The following TRPC6 variants were observed in gnomAD, a reference collection of about 807,000 sequenced individuals.
The protein encoded by TRPC6 is transient receptor potential cation channel subfamily C member 6.
A neutral mutation model predicts 90.7 loss-of-function variants in TRPC6; 55 were observed. The observed-to-expected ratio is 0.61, with a 90% confidence interval of 0.49 to 0.76. TRPC6 has a LOEUF of 0.76. Among genes scored for constraint, TRPC6 ranks in the 30% least tolerant of loss-of-function variants. TRPC6 has a pLI of 0.00. For missense variants in TRPC6, 989 were observed against 1,122.7 expected (o/e 0.88, Z 1.70); for synonymous variants, 393 against 393.0 (o/e 1.00, Z 0.00).
intron 4 of TRPC6, among the ~76,000 whole-genome samples, chr11:101,487,940 AT>A (rs1859714740): frequency 6.6e-6 from 1 of 152,180 alleles, no homozygotes; most frequent in East Asian, 1.9e-4. Flanking sequence ...AACACCAAAA[AT>A]ATGACAAAAT....
At chr11:101,546,350 G>GAAATAAAAA (rs1267417655) in intron 1 of TRPC6, among the ~76,000 whole-genome samples, 1 of 65,582 alleles carries the variant, frequency 1.5e-5, no homozygotes, top group Non-Finnish European at 3.2e-5. Flanking sequence ...GGGATTACAG[G>GAAATAAAAA]CGTGAGCCAC....
At chr11:101,514,864 C>T (rs115124225) in intron 1 of TRPC6, among the ~76,000 whole-genome samples, 2,564 of 152,220 alleles carry the variant, frequency 0.017, 76 homozygotes, top group African/African-American at 0.056. Context: ...GAACTGAGTC[C>T]TTAGGGACCT....
intron 1 of TRPC6, among the ~76,000 whole-genome samples, chr11:101,537,445 C>T (rs1250453808): frequency 6.6e-6 from 1 of 151,878 alleles, no homozygotes; most frequent in South Asian, 2.1e-4. Flanking sequence ...AACATTTGGC[C>T]ATATACACTA....
intron 9 of TRPC6, among the ~76,000 whole-genome samples, chr11:101,470,120 T>C (rs1859253911): frequency 6.6e-6 from 1 of 152,198 alleles, no homozygotes. Flanking sequence ...AAATCTTCAA[T>C]ACATTCCCAC....
chr11:101,508,407 TAGA>T (rs1418544887), intron 1 of TRPC6, among the ~76,000 whole-genome samples: 3 of 152,162 alleles, frequency 2.0e-5, no homozygotes, highest in Non-Finnish European at 4.4e-5. Flanking sequence ...GGTGAGTTTC[TAGA>T]AGAATCACAT....
At chr11:101,569,448 A>G (rs1861907983) in intron 1 of TRPC6, among the ~76,000 whole-genome samples, 1 of 152,194 alleles carries the variant, frequency 6.6e-6, no homozygotes, top group South Asian at 2.1e-4. Flanking sequence ...TGTCAATATT[A>G]GAGAGATCAA....
At chr11:101,502,207 G>C (rs1358088305) in intron 2 of TRPC6, among the ~76,000 whole-genome samples, 1 of 152,000 alleles carries the variant, frequency 6.6e-6, no homozygotes, top group African/African-American at 2.4e-5. Context: ...ATGCATTTAG[G>C]GACCATGAAG....
At chr11:101,536,398 C>A (rs1565233724) in intron 1 of TRPC6, among the ~76,000 whole-genome samples, 4 of 141,942 alleles carry the variant, frequency 2.8e-5, no homozygotes, top group African/African-American at 1.0e-4. Flanking sequence ...CAGCCCCTCC[C>A]TCCCCCCCAC....
At chr11:101,491,833 ATTC>A (rs1401575155) in intron 2 of TRPC6, 95 bp from the exon 3 acceptor site, 88 of 782,250 alleles carry the variant, frequency 1.1e-4, no homozygotes, top group Middle Eastern at 8.5e-4. Flanking sequence ...TAAGAGAAAC[ATTC>A]TTTTTTTTTT....
chr11:101,546,014 TA>T (rs940626406), intron 1 of TRPC6, among the ~76,000 whole-genome samples: 3 of 132,630 alleles, frequency 2.3e-5, no homozygotes, highest in African/African-American at 8.2e-5. Context: ...TCACAGGAAA[TA>T]AAAAAATAAT....
Position 101,544,696 on chromosome 11 carries a change from C to T in TRPC6, c.170+38638G>A, listed in dbSNP as rs186051685. Among the ~76,000 whole-genome samples, 24 of 151,220 alleles carry T rather than the reference C, an allele frequency of 1.6e-4. No individual in the cohort carries two copies. The East Asian group carries it at 4.7e-3, about 30-fold the overall frequency. ...GATGAACAATGAGAACACATGGACA[C>T]AGGGAGGGGAACATCACACACTGGG... On this transcript the variant is annotated intron_variant, in intron 1 of 12. Transcript: ENST00000344327.
intron 1 of TRPC6, among the ~76,000 whole-genome samples, chr11:101,531,743 C>T (rs1860916748): frequency 6.6e-6 from 1 of 152,174 alleles, no homozygotes; most frequent in Non-Finnish European, 1.5e-5. Context: ...ATCCATTGTT[C>T]CCACTTCCAG....
chr11:101,478,719 A>T (rs920196966), intron 5 of TRPC6, among the ~76,000 whole-genome samples: 2 of 152,118 alleles, frequency 1.3e-5, no homozygotes, highest in African/African-American at 4.8e-5. Flanking sequence ...CTCTGCTCGT[A>T]TAGATCTTGC....
In TRPC6 at chr11:101,491,658, G is replaced by A. The variant is rs765798444; in HGVS notation, c.1026C>T (p.Val342=). 6.8e-6 allele frequency: 11 copies of A among 1,613,784 alleles called. No individual in the cohort carries two copies. The highest frequency in any genetic ancestry group is 2.2e-5 in the East Asian group (1 of 44,850). Residue 342 remains valine (V), a synonymous_variant, in exon 3 of 13, where the codon GTC becomes GTT. Coordinates refer to ENST00000344327, the MANE Select transcript of TRPC6 (RefSeq NM_004621.6). ...LLDLCRNTEE[V]EAILNGDVET... ...CAACATCCCCATTCAGAATGGCCTC[G>A]ACTTCTTCAGTGTTTCTGCACAGAT...
At chr11:101,580,050 C>T (rs4754780) in intron 1 of TRPC6, among the ~76,000 whole-genome samples, 113,419 of 151,938 alleles carry the variant, frequency 0.75, 42,670 homozygotes, top group East Asian at 1. Context: ...CCAGTACTGC[C>T]AGGTGTCTGT....
chr11:101,482,544 G>A (rs1859575659), intron 5 of TRPC6, among the ~76,000 whole-genome samples: 1 of 152,144 alleles, frequency 6.6e-6, no homozygotes, highest in Admixed American at 6.5e-5. Flanking sequence ...ATAATTCTTG[G>A]CACAAAATAA....
chr11:101,470,235 C>T (rs1168387958), intron 9 of TRPC6, among the ~76,000 whole-genome samples: 3 of 152,148 alleles, frequency 2.0e-5, no homozygotes, highest in Non-Finnish European at 2.9e-5. Flanking sequence ...TAAAAGTTTG[C>T]TCTTATATCG....
chr11:101,530,144 A>C (rs1198627763), intron 1 of TRPC6, among the ~76,000 whole-genome samples: 1 of 152,100 alleles, frequency 6.6e-6, no homozygotes, highest in Non-Finnish European at 1.5e-5. Flanking sequence ...GCTGGGAGAC[A>C]CACCCATCTG....
intron 4 of TRPC6, among the ~76,000 whole-genome samples, chr11:101,485,324 T>C (rs1398627684): frequency 6.6e-6 from 1 of 152,038 alleles, no homozygotes; most frequent in Non-Finnish European, 1.5e-5. Context: ...AATCAAACGA[T>C]GGCAAAATTA....
Sources: allele counts gnomAD v4.1 joint callset (sites outside exome capture counted in the v4.1 genomes callset), GRCh38; gene constraint gnomAD v4.1.1; transcripts MANE v1.5; gene names NCBI Gene and HGNC (gene_info 2026-07-23, HGNC 2026-07-21).